GALNT2: variants seen among roughly 807,000 people sequenced by gnomAD.
The protein encoded by GALNT2 is polypeptide N-acetylgalactosaminyltransferase 2.
A neutral mutation model predicts 81.4 loss-of-function variants in GALNT2; 31 were observed. The ratio of observed to expected loss-of-function variants is 0.38; its 90% CI spans 0.29 to 0.51. The LOEUF is 0.51. GALNT2 is among the 20% of genes least tolerant of loss of function. GALNT2 has a pLI of 0.87. For synonymous variants in GALNT2, 303 were observed against 287.4 expected, an observed-to-expected ratio of 1.05 and a Z score of -0.55; for missense variants, 629 against 765.7, an observed-to-expected ratio of 0.82 and a Z score of 2.11.
chr1:230,175,693 C>T (rs754535529), intron 1 of GALNT2, among the ~76,000 whole-genome samples: 1 of 146,330 alleles, frequency 6.8e-6, no homozygotes, highest in African/African-American at 2.5e-5. Flanking sequence ...CTTGGGGGCT[C>T]CTCTTCCCCT....
At chr1:230,067,210 CA>C (rs1659216343), upstream of GALNT2, 1 of 1,006,192 alleles carries the variant, frequency 9.9e-7, no homozygotes, top group Admixed American at 4.8e-5. Context: ...CCCCGGCCCC[CA>C]CCGCGCCCGC....
intron 1 of GALNT2, among the ~76,000 whole-genome samples, chr1:230,157,261 A>T (rs1662286815): frequency 6.6e-6 from 1 of 152,214 alleles, no homozygotes; most frequent in African/African-American, 2.4e-5. Flanking sequence ...CCATTATAGC[A>T]AACTTATAGA....
At chr1:230,145,771 A>G (rs1049981217) in intron 1 of GALNT2, among the ~76,000 whole-genome samples, 3 of 152,226 alleles carry the variant, frequency 2.0e-5, no homozygotes, top group African/African-American at 7.2e-5. Flanking sequence ...TCTTGGTGGC[A>G]GTGGTTCCAT....
intron 3 of GALNT2, among the ~76,000 whole-genome samples, chr1:230,203,579 T>C (rs1663973462): frequency 6.6e-6 from 1 of 152,214 alleles, no homozygotes; most frequent in Non-Finnish European, 1.5e-5. Context: ...ACTGGCTTTA[T>C]ATTTAGTGAT....
intron 1 of GALNT2, among the ~76,000 whole-genome samples, chr1:230,118,783 C>T (rs143831253): frequency 6.6e-6 from 1 of 152,246 alleles, no homozygotes; most frequent in African/African-American, 2.4e-5. Context: ...GGCACCTCCT[C>T]TGTGACGCCC....
chr1:230,077,826 A>G (rs976529548), intron 1 of GALNT2, among the ~76,000 whole-genome samples: 1 of 152,260 alleles, frequency 6.6e-6, no homozygotes, highest in Non-Finnish European at 1.5e-5. Context: ...AAGTCGAGGT[A>G]GCCAGCCTTT....
chr1:230,220,549 G>T (rs1664516342), intron 3 of GALNT2, among the ~76,000 whole-genome samples: 1 of 151,888 alleles, frequency 6.6e-6, no homozygotes, highest in Non-Finnish European at 1.5e-5. Flanking sequence ...GTAGCTCCTG[G>T]TAGGCTTTGC....
intron 1 of GALNT2, among the ~76,000 whole-genome samples, chr1:230,116,322 C>G (rs1660846160): frequency 2.6e-5 from 4 of 152,130 alleles, no homozygotes; most frequent in Non-Finnish European, 5.9e-5. Flanking sequence ...CTCTGCATCC[C>G]AGGTTCAAGG....
intron 1 of GALNT2, among the ~76,000 whole-genome samples, chr1:230,139,685 C>T (rs1661666653): frequency 6.6e-6 from 1 of 152,080 alleles, no homozygotes; most frequent in African/African-American, 2.4e-5. Context: ...TGGTAAAATT[C>T]CAAGGAAAAT....
intron 1 of GALNT2, among the ~76,000 whole-genome samples, chr1:230,147,757 C>A (rs1305276559): frequency 6.6e-6 from 1 of 152,180 alleles, no homozygotes; most frequent in Non-Finnish European, 1.5e-5. Flanking sequence ...TGCCCTCTTC[C>A]CGTTGAAGGA....
At chr1:230,172,894 A>G (rs1662840398) in intron 1 of GALNT2, among the ~76,000 whole-genome samples, 1 of 152,192 alleles carries the variant, frequency 6.6e-6, no homozygotes, top group Non-Finnish European at 1.5e-5. Context: ...TTATGTACTT[A>G]GAGATAGGAT....
chr1:230,159,535 G>C (rs1488684196), intron 1 of GALNT2, among the ~76,000 whole-genome samples: 3 of 152,208 alleles, frequency 2.0e-5, no homozygotes, highest in Non-Finnish European at 4.4e-5. Context: ...ACTTTTCTCA[G>C]AGGGGAGGGG....
chr1:230,138,311 G>C (rs533599708), intron 1 of GALNT2, among the ~76,000 whole-genome samples: 59 of 152,180 alleles, frequency 3.9e-4, no homozygotes, highest in Non-Finnish European at 7.6e-4. Context: ...GATCACCTGA[G>C]GTCAGGAGTA....
chr1:230,236,449 T>C (rs189920764), intron 5 of GALNT2, 29 bp downstream of exon 5: 5 of 1,606,538 alleles, frequency 3.1e-6, no homozygotes, highest in Non-Finnish European at 4.3e-6. Context: ...TTTATCCCTG[T>C]GTCTGGCTCT....
chr1:230,062,533 C>T (rs1191643867), upstream of GALNT2, among the ~76,000 whole-genome samples: 1 of 152,228 alleles, frequency 6.6e-6, no homozygotes, highest in African/African-American at 2.4e-5. Flanking sequence ...CCTCAAGCCC[C>T]TGGTGACTGC....
intron 1 of GALNT2, among the ~76,000 whole-genome samples, chr1:230,172,892 TTAGAGA>T (rs1662840318): frequency 2.0e-5 from 3 of 152,360 alleles, no homozygotes; most frequent in African/African-American, 7.2e-5. Flanking sequence ...TTTTATGTAC[TTAGAGA>T]TAGGATGAAT....
At chr1:230,201,528 G>A (rs1663891780) in intron 2 of GALNT2, among the ~76,000 whole-genome samples, 1 of 152,194 alleles carries the variant, frequency 6.6e-6, no homozygotes, top group Non-Finnish European at 1.5e-5. Flanking sequence ...GTGTAATGAG[G>A]GATTTCTGTT....
Position 230,267,499 on chromosome 1 carries a change from G to C in GALNT2, c.1440+2132G>C, listed in dbSNP as rs375196454. The stretch of plus-strand genomic sequence containing the variant: ...CCCAGGCTCCCAGGGCCTGGCGTCT[G>C]TGTGTAGCCTCTGGGCTGTGAGGAC... On this transcript the variant is annotated intron_variant, in intron 14 of 15. Transcript: ENST00000366672. Among the ~76,000 whole-genome samples, 94 of 152,374 alleles carry C rather than the reference G, an allele frequency of 6.2e-4. 1 individual carries two copies. The East Asian group carries it at 0.014, about 23-fold the overall frequency.
chr1:230,076,523 A>AG, intron 1 of GALNT2, among the ~76,000 whole-genome samples: 1 of 152,034 alleles, frequency 6.6e-6, no homozygotes, highest in South Asian at 2.1e-4. Flanking sequence ...GGCTTTGGAG[A>AG]GGGGGGTTAT....
Sources: gnomAD v4.1 joint callset for allele counts (sites outside exome capture counted in the v4.1 genomes callset) on GRCh38, gnomAD v4.1.1 for gene constraint, MANE v1.5 for transcripts, NCBI Gene and HGNC (gene_info 2026-07-23, HGNC 2026-07-21) for gene names.